The following SLC4A10 variants were observed in gnomAD, a reference collection of about 807,000 sequenced individuals.
The protein encoded by SLC4A10 is sodium-driven chloride bicarbonate exchanger.
A neutral mutation model predicts 137.7 loss-of-function variants in SLC4A10; 42 were observed. The observed-to-expected ratio is 0.30, with a 90% confidence interval of 0.24 to 0.39. The LOEUF (loss-of-function observed/expected upper bound fraction) is 0.39. Among genes scored for constraint, SLC4A10 ranks in the 10% least tolerant of loss-of-function variants. The probability of loss-of-function intolerance (pLI) is 1.00; values close to 1 mark genes in which losing one functional copy is unlikely to be tolerated. For missense variants in SLC4A10, 925 were observed against 1,355.0 expected (o/e 0.68, Z 4.98); for synonymous variants, 474 against 464.1 (o/e 1.02, Z -0.27).
chr2:161,836,564 G>T (rs1212090205), intron 3 of SLC4A10, among the ~76,000 whole-genome samples: 1 of 104,514 alleles, frequency 9.6e-6, no homozygotes, highest in African/African-American at 3.7e-5. Flanking sequence ...AAGAAAGAAA[G>T]AAAGAAAGAA....
At chr2:161,865,971 T>A (rs575555567) in intron 6 of SLC4A10, among the ~76,000 whole-genome samples, 74 of 151,860 alleles carry the variant, frequency 4.9e-4, no homozygotes, top group Non-Finnish European at 8.3e-4. Flanking sequence ...TTGACTTTTT[T>A]AAAAAAAAGA....
intron 1 of SLC4A10, among the ~76,000 whole-genome samples, chr2:161,697,189 G>A (rs1001967389): frequency 6.6e-6 from 1 of 151,058 alleles, no homozygotes; most frequent in Admixed American, 6.6e-5. Flanking sequence ...TGAATTCATT[G>A]TAGATTCTGG....
At chr2:161,953,622 T>C (rs747720818) in intron 19 of SLC4A10, among the ~76,000 whole-genome samples, 49 of 151,504 alleles carry the variant, frequency 3.2e-4, no homozygotes, top group Non-Finnish European at 6.8e-4. Context: ...AAAAAAAATG[T>C]TTTTATCATT....
At chr2:161,837,495 T>G (rs1350911832) in intron 3 of SLC4A10, among the ~76,000 whole-genome samples, 1 of 152,168 alleles carries the variant, frequency 6.6e-6, no homozygotes, top group Admixed American at 6.6e-5. Flanking sequence ...GGAAAAATCA[T>G]TACACTTAAG....
chr2:161,654,135 C>T (rs901092209), intron 1 of SLC4A10, among the ~76,000 whole-genome samples: 3 of 152,154 alleles, frequency 2.0e-5, no homozygotes, highest in African/African-American at 7.2e-5. Context: ...TGATTAGTGA[C>T]AATGACCGTC....
chr2:161,750,440 C>A (rs775627431), intron 1 of SLC4A10, among the ~76,000 whole-genome samples: 1 of 151,520 alleles, frequency 6.6e-6, no homozygotes, highest in Non-Finnish European at 1.5e-5. Flanking sequence ...GCTTTATTTT[C>A]TTTTGCCTTG....
chr2:161,853,876 T>A (rs562085330), intron 4 of SLC4A10, among the ~76,000 whole-genome samples: 38 of 152,180 alleles, frequency 2.5e-4, no homozygotes, highest in Non-Finnish European at 5.3e-4. Flanking sequence ...TTTCCTGATC[T>A]CTCTTACTAC....
chr2:161,720,114 G>T (rs912103028), intron 1 of SLC4A10, among the ~76,000 whole-genome samples: 1 of 152,114 alleles, frequency 6.6e-6, no homozygotes, highest in Non-Finnish European at 1.5e-5. Context: ...TCTACATATG[G>T]CTAGCCCGTT....
Position 161,679,380 on chromosome 2 carries a change from A to C in SLC4A10, c.48+54814A>C, listed in dbSNP as rs534485196. ...ACATTTGCTAAGTACTTAGTAGTGT[A>C]CTTAGTGATGGGAAGGATACAAAAG... On this transcript the variant is annotated intron_variant, in intron 1 of 26. Transcript: ENST00000446997. 3.3e-5 allele frequency among the ~76,000 whole-genome samples: 5 copies of C among 152,210 alleles called. No individual in the cohort carries two copies. The South Asian group carries it at 1.0e-3, about 32-fold the overall frequency.
In SLC4A10 at chr2:161,883,071, G is replaced by C. The variant is rs1457585992; in HGVS notation, c.1194+627G>C. Among the ~76,000 whole-genome samples, 6 of 152,198 alleles carry C rather than the reference G, an allele frequency of 3.9e-5. No homozygotes were observed. In the East Asian group the frequency reaches 9.7e-4, roughly 24 times the overall value. ...GTCTCAAAAATATAAGATCTTTAAA[G>C]TAAGAACATAAAAAGTAGCATCATA... On this transcript the variant is annotated intron_variant, in intron 10 of 26. Transcript: ENST00000446997.
intron 4 of SLC4A10, among the ~76,000 whole-genome samples, chr2:161,848,479 CT>C (rs2059628927): frequency 6.6e-6 from 1 of 152,016 alleles, no homozygotes; most frequent in Non-Finnish European, 1.5e-5. Flanking sequence ...ATGGTATTTC[CT>C]GGATTTTCTT....
At position 161,660,645 on chromosome 2, in the gene SLC4A10, T is replaced by C. The variant is rs1293584795; in HGVS notation, c.48+36079T>C. Among the ~76,000 whole-genome samples the C allele has an allele frequency of 4.9e-5, 7 of 144,194 alleles. 1 individual carries two copies. Among genetic ancestry groups the C allele is most frequent in the Non-Finnish European group, 9.1e-5 (6 of 66,058 alleles). 94.6% of individuals were successfully genotyped at this position (144,194 alleles called of 152,430 possible). A position where few individuals can be genotyped will look rare whatever the true frequency, so the allele number is the denominator to read the frequency against. The stretch of plus-strand genomic sequence containing the variant: ...CTTTCTTCCTTTCCTTCTTTCCTTC[T>C]TTCTTTCTTTCTTTCCTTTTTTTTT... On this transcript the variant is annotated intron_variant, in intron 1 of 26. Coordinates refer to ENST00000446997, the MANE Select transcript of SLC4A10 (RefSeq NM_001178015.2).
In SLC4A10 at chr2:161,728,577, GA is replaced by G. The variant is rs376713608; in HGVS notation, c.49-42385del. On this transcript the variant is annotated intron_variant, in intron 1 of 26. Coordinates refer to ENST00000446997, the MANE Select transcript of SLC4A10 (RefSeq NM_001178015.2). ...CGACAGAGGAAGACCCTGTCCAAAGGAAAAAAAAAAATTCTAGCCAAGATTT... is the reference window on the plus strand; with the variant it reads ...CGACAGAGGAAGACCCTGTCCAAAGGAAAAAAAAAATTCTAGCCAAGATTT... Among the ~76,000 whole-genome samples, 421 of 143,472 alleles carry G rather than the reference GA, an allele frequency of 2.9e-3. 2 individuals are homozygous for G. In the East Asian group the frequency reaches 0.039, roughly 13 times the overall value. 94.1% of individuals were successfully genotyped at this position (143,472 alleles called of 152,430 possible).
At chr2:161,968,478 A>C (rs550547708) in intron 23 of SLC4A10, among the ~76,000 whole-genome samples, 102 of 152,346 alleles carry the variant, frequency 6.7e-4, no homozygotes, top group Non-Finnish European at 1.2e-3. Flanking sequence ...GAAAAGATAC[A>C]AAAATGGATT....
chr2:161,961,232 T>C lies in SLC4A10; in HGVS notation c.2862+2677T>C, dbSNP rs184403757. The stretch of plus-strand genomic sequence containing the variant: ...GCAAATGACTAACCAGCTTCTGACT[T>C]TGGGAGAAAAAGCAGAACTTAGGCC... On this transcript the variant is annotated intron_variant, in intron 21 of 26. Coordinates refer to ENST00000446997, the MANE Select transcript of SLC4A10 (RefSeq NM_001178015.2). 3.3e-3 allele frequency among the ~76,000 whole-genome samples: 504 copies of C among 152,126 alleles called. 1 individual carries two copies. The highest frequency in any genetic ancestry group is 5.6e-3 in the Non-Finnish European group (379 of 67,970).
At chr2:161,636,507 G>A in intron 1 of SLC4A10, among the ~76,000 whole-genome samples, 1 of 151,996 alleles carries the variant, frequency 6.6e-6, no homozygotes, top group East Asian at 1.9e-4. Flanking sequence ...CAATTCTCCT[G>A]CCTTATCTTG....
chr2:161,838,762 C>A (rs1203734969), intron 3 of SLC4A10, among the ~76,000 whole-genome samples: 1 of 152,114 alleles, frequency 6.6e-6, no homozygotes, highest in African/African-American at 2.4e-5. Flanking sequence ...TAAAGTAACA[C>A]CACAATGAAA....
chr2:161,903,846 C>G (rs1683693082), intron 12 of SLC4A10, among the ~76,000 whole-genome samples, 158 bp from the exon 13 acceptor site: 1 of 152,108 alleles, frequency 6.6e-6, no homozygotes, highest in Non-Finnish European at 1.5e-5. Flanking sequence ...GCAGTGCCTC[C>G]CTGTAGATTG....
chr2:161,870,440 C>A (rs527954777), intron 6 of SLC4A10, among the ~76,000 whole-genome samples: 26 of 151,722 alleles, frequency 1.7e-4, no homozygotes, highest in Non-Finnish European at 3.0e-4. Context: ...TTATACCACA[C>A]GAAATGAATT....
Sources: allele counts gnomAD v4.1 joint callset (sites outside exome capture counted in the v4.1 genomes callset), GRCh38; gene constraint gnomAD v4.1.1; transcripts MANE v1.5; gene names NCBI Gene and HGNC (gene_info 2026-07-23, HGNC 2026-07-21).